The following CDC16 variants were observed in gnomAD, a reference collection of about 807,000 sequenced individuals.
The protein encoded by CDC16 is cell division cycle protein 16 homolog.
A neutral mutation model predicts 87.0 loss-of-function variants in CDC16; 34 were observed. That is an observed-to-expected ratio of 0.39 (90% CI 0.30 to 0.52). The LOEUF (loss-of-function observed/expected upper bound fraction) is 0.52. CDC16 is among the 20% of genes least tolerant of loss of function. CDC16 has a pLI of 0.74. For synonymous variants in CDC16, 263 were observed against 260.6 expected, an observed-to-expected ratio of 1.01 and a Z score of -0.09; for missense variants, 653 against 751.9, an observed-to-expected ratio of 0.87 and a Z score of 1.54.
At chr13:114,265,672 A>G (rs997285613) in intron 17 of CDC16, among the ~76,000 whole-genome samples, 4 of 152,228 alleles carry the variant, frequency 2.6e-5, no homozygotes, top group Non-Finnish European at 4.4e-5. Context: ...AACAGTGAAT[A>G]AGTAATAGTA....
In CDC16 at chr13:114,239,017, G is replaced by C. The variant is rs766536915; in HGVS notation, c.229G>C (p.Ala77Pro). The C allele has an allele frequency of 6.2e-7, 1 of 1,611,708 alleles. No homozygotes were observed. Among genetic ancestry groups the C allele is most frequent in the South Asian group, 1.1e-5 (1 of 90,694 alleles). The change falls in exon 4 of 18, where the codon GCT (alanine) becomes CCT (proline). Residue 77 changes from alanine to proline, a missense_variant. Coordinates refer to ENST00000356221, the MANE Select transcript of CDC16 (RefSeq NM_001078645.3). ...GTATGAAGCATGTCGTTACCTTGCA[G>C]CTAGGTGCCATGTAAGTATGCTCAT... ...KLYEACRYLA[A>P]RCHYAAKEHQ...
chr13:114,249,384 AC>A (rs1259881195), intron 11 of CDC16, among the ~76,000 whole-genome samples: 13 of 150,998 alleles, frequency 8.6e-5, no homozygotes, highest in Admixed American at 4.0e-4. Context: ...AGCTTTACTC[AC>A]CTGCCTGCCA....
chr13:114,265,138 C>G lies in CDC16; in HGVS notation c.1513-12C>G, dbSNP rs770380282. ...TTTTCTTTTAATAACCATGCTGAAT[C>G]TTTTATGGCAGGCCCTTGGTCTTAG... On this transcript the variant is annotated splice_polypyrimidine_tract_variant and intron_variant, in intron 16 of 17. Coordinates refer to ENST00000356221, the MANE Select transcript of CDC16 (RefSeq NM_001078645.3). 2 of 1,571,650 alleles carry G rather than the reference C, an allele frequency of 1.3e-6. No individual in the cohort carries two copies. Among genetic ancestry groups the G allele is most frequent in the Admixed American group, 1.7e-5 (1 of 59,934 alleles).
chr13:114,238,180 G>A (rs561410458), intron 3 of CDC16, among the ~76,000 whole-genome samples: 14 of 149,298 alleles, frequency 9.4e-5, no homozygotes, highest in African/African-American at 3.5e-4. Flanking sequence ...TGAGCTCCTC[G>A]GACGCCCAGC....
intron 3 of CDC16, among the ~76,000 whole-genome samples, chr13:114,238,307 T>A (rs1223386367): frequency 6.9e-6 from 1 of 145,414 alleles, no homozygotes; most frequent in Non-Finnish European, 1.5e-5. Context: ...CGCCCAGCAG[T>A]TATTCACACT....
intron 15 of CDC16, among the ~76,000 whole-genome samples, chr13:114,262,596 A>C (rs1594664121): frequency 6.6e-6 from 1 of 152,226 alleles, no homozygotes; most frequent in Non-Finnish European, 1.5e-5. Context: ...CACAGCCAGG[A>C]GGCATGGATT....
intron 5 of CDC16, among the ~76,000 whole-genome samples, chr13:114,241,443 A>G (rs2081545347): frequency 6.6e-6 from 1 of 152,130 alleles, no homozygotes. Flanking sequence ...GCTCATTAAG[A>G]TCCTTTTGAG....
Position 114,243,295 on chromosome 13 carries a change from T to G in CDC16, c.580T>G (p.Cys194Gly), listed in dbSNP as rs756129423. 4.4e-6 allele frequency: 7 copies of G among 1,593,548 alleles called. No homozygotes were observed. In the East Asian group the frequency reaches 1.6e-4, roughly 36 times the overall value. Residue 194 changes from cysteine to glycine, a missense_variant, in exon 7 of 18, where the codon TGT (cysteine) becomes GGT (glycine). By Grantham distance (159) the Cys-to-Gly change is radical. Coordinates refer to ENST00000356221, the MANE Select transcript of CDC16 (RefSeq NM_001078645.3). ...TGAATCACTACCCCTTAGCAAGCTG[T>G]GTAATGAAGAACAGGAATTGCTGCG... ...LLESLPLSKL[C>G]NEEQELLRFL...
intron 12 of CDC16, among the ~76,000 whole-genome samples, chr13:114,252,027 T>C (rs1203246760): frequency 6.7e-6 from 1 of 150,134 alleles, no homozygotes; most frequent in Non-Finnish European, 1.5e-5. Flanking sequence ...AGCCTTACAC[T>C]AGCCCTGTTG....
chr13:114,269,011 C>T (rs960428038), intron 17 of CDC16, among the ~76,000 whole-genome samples: 8 of 152,258 alleles, frequency 5.3e-5, no homozygotes, highest in Admixed American at 5.2e-4. Context: ...CCTATTATAT[C>T]AGCTCTCTAT....
chr13:114,248,923 C>T (rs1349727728), intron 11 of CDC16, among the ~76,000 whole-genome samples: 1 of 151,896 alleles, frequency 6.6e-6, no homozygotes, highest in Non-Finnish European at 1.5e-5. Context: ...TATCAGTGGT[C>T]CCCAACATTT....
At chr13:114,260,769 A>G (rs906913349) in intron 14 of CDC16, among the ~76,000 whole-genome samples, 1 of 152,216 alleles carries the variant, frequency 6.6e-6, no homozygotes, top group South Asian at 2.1e-4. Flanking sequence ...AGTCATGCCT[A>G]AGAGTCATTA....
At chr13:114,259,190 G>T in intron 13 of CDC16, 145 bp from the exon 14 acceptor site, 3 of 476,440 alleles carry the variant, frequency 6.3e-6, no homozygotes, top group Non-Finnish European at 1.1e-5. Context: ...TTAATCATTT[G>T]TGACTTAACT....
At position 114,235,135 on chromosome 13, in the gene CDC16, G is replaced by A; in HGVS notation, c.48+3G>A. On this transcript the variant is annotated splice_donor_region_variant and intron_variant, in intron 1 of 17. Transcript: ENST00000356221. ...GCGTCCGGCAGTACCTCGACCAGGT[G>A]GGCGGCCCCGACTCGGGGTGCGGGG... is the stretch of plus-strand genomic sequence containing the variant. The A allele has an allele frequency of 1.6e-6, 2 of 1,243,858 alleles. No individual in the cohort carries two copies. Among genetic ancestry groups the A allele is most frequent in the East Asian group, 3.1e-5 (1 of 31,782 alleles). The allele number at this position is 1,243,858 out of a possible 1,614,324, so 77.1% of individuals were successfully genotyped here.
At chr13:114,248,222 A>G (rs571150098) in intron 11 of CDC16, among the ~76,000 whole-genome samples, 1 of 152,360 alleles carries the variant, frequency 6.6e-6, no homozygotes, top group Admixed American at 6.5e-5. Flanking sequence ...AACTCTGTAA[A>G]TGTTCTAATT....
At chr13:114,236,622 C>CTTTT in intron 1 of CDC16, 23 bp from the exon 2 acceptor site, 2 of 1,407,292 alleles carry the variant, frequency 1.4e-6, no homozygotes. Flanking sequence ...CAGTTACCAC[C>CTTTT]TTTTTTTTTT....
intron 10 of CDC16, 67 bp downstream of exon 10, chr13:114,246,116 C>T (rs1031179385): frequency 5.8e-6 from 4 of 688,628 alleles, no homozygotes; most frequent in South Asian, 3.8e-5. Context: ...ATGCTTAACT[C>T]GTATTTAGAC....
intron 17 of CDC16, 77 bp from the exon 18 acceptor site, chr13:114,272,107 A>T (rs2083721535): frequency 7.6e-6 from 6 of 789,208 alleles, no homozygotes. Flanking sequence ...AAATGATAAG[A>T]GATGGTGTTA....
intron 3 of CDC16, among the ~76,000 whole-genome samples, chr13:114,238,691 T>G (rs185384545): frequency 6.6e-6 from 1 of 152,250 alleles, no homozygotes; most frequent in African/African-American, 2.4e-5. Context: ...AGATGTTTAC[T>G]TCTCCACCTG....
Sources: gnomAD v4.1 joint callset for allele counts (sites outside exome capture counted in the v4.1 genomes callset) on GRCh38, gnomAD v4.1.1 for gene constraint, MANE v1.5 for transcripts, NCBI Gene and HGNC (gene_info 2026-07-23, HGNC 2026-07-21) for gene names.